The following CLPB variants were observed in gnomAD, a reference collection of about 807,000 sequenced individuals.
CLPB encodes the protein mitochondrial disaggregase.
In CLPB, 40 loss-of-function variants were observed where a neutral mutation model predicts 78.4. That is an observed-to-expected ratio of 0.51 (90% CI 0.40 to 0.66). The LOEUF (loss-of-function observed/expected upper bound fraction) is 0.66, where lower values mean the gene tolerates loss of function less well. Among genes scored for constraint, CLPB ranks in the 30% least tolerant of loss-of-function variants. The pLI is 0.00. For missense variants in CLPB, 780 were observed against 886.9 expected (o/e 0.88, Z 1.53); for synonymous variants, 333 against 348.0 (o/e 0.96, Z 0.48).
intron 3 of CLPB, among the ~76,000 whole-genome samples, chr11:72,393,790 T>C (rs1262404267): frequency 1.3e-5 from 2 of 152,234 alleles, no homozygotes; most frequent in African/African-American, 4.8e-5. Context: ...ACGTTGGGTT[T>C]TACAGTTGGT....
At chr11:72,342,955 CCAAT>C (rs1360381695) in intron 5 of CLPB, among the ~76,000 whole-genome samples, 3 of 152,226 alleles carry the variant, frequency 2.0e-5, no homozygotes, top group East Asian at 1.9e-4. Context: ...AGTTATGAGG[CCAAT>C]CAATCTTGAT....
In CLPB at chr11:72,309,794, A is replaced by C. The variant is rs547674091; in HGVS notation, c.989-1190T>G. On this transcript the variant is annotated intron_variant, in intron 7 of 15. Transcript: ENST00000538039. The stretch of plus-strand genomic sequence containing the variant: ...AAGGTCAGTCTGCAAATGGAACAGC[A>C]TGTCTGATCTGGTCCCCAGGGTGTC... Among the ~76,000 whole-genome samples the C allele has an allele frequency of 1.5e-4, 23 of 152,360 alleles. No individual in the cohort carries two copies. The South Asian group carries it at 4.3e-3, about 29-fold the overall frequency.
chr11:72,327,253 C>T (rs1950148633), intron 6 of CLPB, among the ~76,000 whole-genome samples: 1 of 152,224 alleles, frequency 6.6e-6, no homozygotes, highest in Non-Finnish European at 1.5e-5. Context: ...CCCTCTCACT[C>T]AGAGCTGTTT....
intron 6 of CLPB, among the ~76,000 whole-genome samples, chr11:72,322,306 G>GGTGGA (rs1950057977): frequency 6.6e-6 from 1 of 152,118 alleles, no homozygotes; most frequent in Non-Finnish European, 1.5e-5. Flanking sequence ...TCACTCCTCT[G>GGTGGA]CAAATAGCTA....
At chr11:72,395,663 TG>T (rs1466002768) in intron 3 of CLPB, among the ~76,000 whole-genome samples, 1 of 152,196 alleles carries the variant, frequency 6.6e-6, no homozygotes, top group Non-Finnish European at 1.5e-5. Flanking sequence ...CCAGCCTCCT[TG>T]GGCAGAAGGT....
rs1393830231 is a variant in CLPB at position 72,290,901 on chromosome 11, C to T, written c.*2466G>A. 2 of 150,588 alleles carry T rather than the reference C, an allele frequency of 1.3e-5. No homozygotes were observed. The highest frequency in any genetic ancestry group is 2.0e-4 in the East Asian group (1 of 5,114). The allele number at this position is 150,588 out of a possible 1,614,324, so 9.3% of individuals were successfully genotyped here. A position where few individuals can be genotyped will look rare whatever the true frequency, so the allele number is the denominator to read the frequency against. ...CAGAGGTTGCAGTGAGCCGAGATTG[C>T]GCCACTGCACTCCATCCTGGGTGAC... On this transcript the variant is annotated 3_prime_UTR_variant, in exon 16 of 16. Coordinates refer to ENST00000538039, the MANE Select transcript of CLPB (RefSeq NM_001258392.3).
At chr11:72,325,452 C>A (rs997325398) in intron 6 of CLPB, among the ~76,000 whole-genome samples, 1 of 152,146 alleles carries the variant, frequency 6.6e-6, no homozygotes, top group Non-Finnish European at 1.5e-5. Context: ...GGGGCTGGGC[C>A]TCATCACCTC....
At chr11:72,336,810 T>TGA (rs201566339) in intron 5 of CLPB, 4 of 334,814 alleles carry the variant, frequency 1.2e-5, no homozygotes, top group African/African-American at 6.4e-5. Context: ...AAGGAAACAT[T>TGA]GAGAGAGAGA....
chr11:72,305,783 G>A (rs1949736234), intron 9 of CLPB, among the ~76,000 whole-genome samples: 1 of 152,168 alleles, frequency 6.6e-6, no homozygotes, highest in African/African-American at 2.4e-5. Context: ...CTTTTAACAA[G>A]CCCCCTCTCC....
At chr11:72,327,858 T>C (rs935577617) in intron 6 of CLPB, among the ~76,000 whole-genome samples, 2 of 152,202 alleles carry the variant, frequency 1.3e-5, no homozygotes, top group African/African-American at 2.4e-5. Context: ...CTCTGAAATT[T>C]AGTAGTTCTT....
At chr11:72,378,415 G>A (rs540445309) in intron 4 of CLPB, among the ~76,000 whole-genome samples, 3 of 152,294 alleles carry the variant, frequency 2.0e-5, no homozygotes, top group African/African-American at 4.8e-5. Flanking sequence ...ACATGGCAGT[G>A]GCAAGAGAAA....
chr11:72,405,269 T>G (rs892135074), intron 2 of CLPB, among the ~76,000 whole-genome samples: 2 of 152,150 alleles, frequency 1.3e-5, no homozygotes, highest in East Asian at 3.8e-4. Context: ...TGGGTGACAG[T>G]TCACAGCAGA....
At chr11:72,389,953 T>C (rs192753263) in intron 3 of CLPB, among the ~76,000 whole-genome samples, 4 of 152,224 alleles carry the variant, frequency 2.6e-5, no homozygotes, top group Non-Finnish European at 5.9e-5. Flanking sequence ...CCTCTCATGG[T>C]AGTACAACCC....
At chr11:72,423,501 C>T (rs1856270451) in intron 2 of CLPB, among the ~76,000 whole-genome samples, 1 of 152,224 alleles carries the variant, frequency 6.6e-6, no homozygotes, top group African/African-American at 2.4e-5. Context: ...CTTCCTCCAT[C>T]TCTGCTGCTG....
intron 11 of CLPB, among the ~76,000 whole-genome samples, chr11:72,300,887 C>T (rs1949643306): frequency 2.0e-5 from 3 of 152,174 alleles, no homozygotes; most frequent in Admixed American, 6.5e-5. Flanking sequence ...AGGTGGAAGT[C>T]ATCTTCTTCC....
chr11:72,330,690 G>T (rs1460792997), intron 5 of CLPB, among the ~76,000 whole-genome samples: 2 of 152,208 alleles, frequency 1.3e-5, no homozygotes, highest in Non-Finnish European at 2.9e-5. Flanking sequence ...GGATGCAGAA[G>T]AATCAGATCT....
intron 7 of CLPB, 96 bp downstream of exon 7, chr11:72,317,010 T>G (rs1051853533): frequency 2.7e-6 from 2 of 753,222 alleles, no homozygotes; most frequent in South Asian, 1.9e-5. Flanking sequence ...AATGCTAATT[T>G]TTAATATTAT....
intron 5 of CLPB, among the ~76,000 whole-genome samples, chr11:72,332,496 GAAAGGAAAGGAA>G (rs1238147982): frequency 1.3e-5 from 2 of 151,674 alleles, no homozygotes; most frequent in Non-Finnish European, 2.9e-5. Context: ...CTAAAAAATG[GAAAGGAAAGGAA>G]AAAGGAAAGA....
At chr11:72,346,329 A>G (rs1950513103) in intron 5 of CLPB, among the ~76,000 whole-genome samples, 1 of 152,196 alleles carries the variant, frequency 6.6e-6, no homozygotes. Flanking sequence ...ATCTGTGTGC[A>G]TATGTATATA....
Sources: gnomAD v4.1 joint callset for allele counts (sites outside exome capture counted in the v4.1 genomes callset) on GRCh38, gnomAD v4.1.1 for gene constraint, MANE v1.5 for transcripts, NCBI Gene and HGNC (gene_info 2026-07-23, HGNC 2026-07-21) for gene names.